TSC22D1: variants seen among roughly 807,000 people sequenced by gnomAD.
TSC22D1 encodes the protein TSC22 domain family member 1.
TSC22D1 carries 9 observed loss-of-function variants against 74.2 expected under a neutral mutation model. That is an observed-to-expected ratio of 0.12 (90% CI 0.07 to 0.21). TSC22D1 has a LOEUF of 0.21. TSC22D1 is among the 10% of genes least tolerant of loss of function. The pLI, the probability that TSC22D1 is intolerant of heterozygous loss-of-function variation, is 1.00. For missense variants in TSC22D1, 1,427 were observed against 1,304.7 expected (o/e 1.09, Z -1.44); for synonymous variants, 586 against 492.5 (o/e 1.19, Z -2.51).
chr13:44,468,816 T>C (rs1334162193), intron 1 of TSC22D1, among the ~76,000 whole-genome samples: 2 of 149,926 alleles, frequency 1.3e-5, no homozygotes, highest in African/African-American at 2.4e-5. Context: ...AGTTTTCCTG[T>C]AGAAGACTGG....
chr13:44,493,285 C>G (rs1428637255), intron 1 of TSC22D1, among the ~76,000 whole-genome samples: 1 of 152,158 alleles, frequency 6.6e-6, no homozygotes, highest in Non-Finnish European at 1.5e-5. Flanking sequence ...TCCAGTTCTA[C>G]AGAAGGCAGA....
chr13:44,545,336 A>AAAAT (rs1382225302), intron 1 of TSC22D1, among the ~76,000 whole-genome samples: 2 of 152,148 alleles, frequency 1.3e-5, no homozygotes, highest in East Asian at 3.8e-4. Context: ...TCTGTCTCAA[A>AAAAT]AAATAAATAA....
chr13:44,536,532 G>A (rs961686305), intron 1 of TSC22D1, among the ~76,000 whole-genome samples: 5 of 151,790 alleles, frequency 3.3e-5, no homozygotes, highest in Non-Finnish European at 5.9e-5. Flanking sequence ...AATTATTTGC[G>A]CAAGTAGAAC....
intron 1 of TSC22D1, among the ~76,000 whole-genome samples, chr13:44,473,673 C>T (rs1233531766): frequency 6.6e-6 from 1 of 151,824 alleles, no homozygotes; most frequent in Non-Finnish European, 1.5e-5. Flanking sequence ...GCTAGTCAGG[C>T]CAGCTTTATT....
At chr13:44,440,780 A>G (rs1364062600) in intron 1 of TSC22D1, among the ~76,000 whole-genome samples, 1 of 152,122 alleles carries the variant, frequency 6.6e-6, no homozygotes. Flanking sequence ...GCCCACCACA[A>G]GAAATGAAAA....
intron 1 of TSC22D1, among the ~76,000 whole-genome samples, chr13:44,485,128 G>A (rs1338806572): frequency 3.9e-5 from 6 of 152,090 alleles, no homozygotes; most frequent in Non-Finnish European, 5.9e-5. Flanking sequence ...AGCAATAATA[G>A]TACATATCCA....
intron 1 of TSC22D1, among the ~76,000 whole-genome samples, chr13:44,444,320 A>AAAAAAAAAAAAAAAAAAAAAAAAAAG (rs1875460887): frequency 1.6e-5 from 2 of 126,220 alleles, no homozygotes; most frequent in Non-Finnish European, 3.5e-5. Flanking sequence ...AAAAGAAAAG[A>AAAAAAAAAAAAAAAAAAAAAAAAAAG]AAAAGAAAAA....
intron 1 of TSC22D1, among the ~76,000 whole-genome samples, chr13:44,517,857 A>ATATATTTTTTT (rs10627677): frequency 4.3e-4 from 7 of 16,170 alleles, no homozygotes; most frequent in South Asian, 2.3e-3. Context: ...ATATATATAT[A>ATATATTTTTTT]TTTTTTTTTT....
At chr13:44,518,002 G>A (rs1338806517) in intron 1 of TSC22D1, among the ~76,000 whole-genome samples, 4 of 146,718 alleles carry the variant, frequency 2.7e-5, no homozygotes, top group Non-Finnish European at 4.5e-5. Flanking sequence ...GGCTATAGAC[G>A]TGCACCACCA....
At chr13:44,566,276 T>C (rs1883367891) in intron 1 of TSC22D1, among the ~76,000 whole-genome samples, 1 of 152,174 alleles carries the variant, frequency 6.6e-6, no homozygotes, top group Admixed American at 6.5e-5. Context: ...GAATCCTAGC[T>C]CTGCTTTACT....
At chr13:44,558,581 A>T (rs1882839602) in intron 1 of TSC22D1, among the ~76,000 whole-genome samples, 1 of 151,946 alleles carries the variant, frequency 6.6e-6, no homozygotes, top group Non-Finnish European at 1.5e-5. Context: ...CTCTACTAAA[A>T]ATACAAAAAT....
intron 1 of TSC22D1, among the ~76,000 whole-genome samples, chr13:44,542,889 T>C (rs1300430923): frequency 6.6e-6 from 1 of 152,108 alleles, no homozygotes; most frequent in African/African-American, 2.4e-5. Flanking sequence ...CCTTACCTAA[T>C]TCTATTTTAG....
intron 1 of TSC22D1, among the ~76,000 whole-genome samples, chr13:44,464,837 C>T (rs9525956): frequency 0.076 from 11,530 of 152,328 alleles, 560 homozygotes; most frequent in Non-Finnish European, 0.1. Context: ...CCCAACCTTA[C>T]TGCAGCGCCC....
At chr13:44,523,474 A>T (rs1200677181) in intron 1 of TSC22D1, among the ~76,000 whole-genome samples, 1 of 152,186 alleles carries the variant, frequency 6.6e-6, no homozygotes, top group Non-Finnish European at 1.5e-5. Context: ...AAGTCACAAA[A>T]AGACATGAAA....
At chr13:44,551,248 G>GT (rs1320568184) in intron 1 of TSC22D1, among the ~76,000 whole-genome samples, 1 of 152,128 alleles carries the variant, frequency 6.6e-6, no homozygotes, top group African/African-American at 2.4e-5. Context: ...TCCAGCCTGG[G>GT]TGACAGAGCA....
rs939989120 is a variant in TSC22D1 at position 44,436,202 on chromosome 13, A to G, written c.2913-107T>C. ...TGATATTGCTAGCATCATATTTTGA[A>G]TGTTATTTAACACTATGTAATGTAT... is the stretch of plus-strand genomic sequence containing the variant. On this transcript the variant is annotated intron_variant, in intron 1 of 2. Transcript: ENST00000458659. 8 of 1,280,168 alleles carry G rather than the reference A, an allele frequency of 6.2e-6. No homozygotes were observed. In the Admixed American group the frequency reaches 1.9e-4, roughly 31 times the overall value. 79.3% of individuals were successfully genotyped at this position (1,280,168 alleles called of 1,614,324 possible).
intron 1 of TSC22D1, among the ~76,000 whole-genome samples, chr13:44,485,391 T>C (rs944311077): frequency 1.3e-5 from 2 of 152,180 alleles, no homozygotes; most frequent in African/African-American, 4.8e-5. Context: ...TTTAATTGTA[T>C]AGCAATTCTT....
At chr13:44,502,893 T>G (rs1879278466) in intron 1 of TSC22D1, among the ~76,000 whole-genome samples, 1 of 152,222 alleles carries the variant, frequency 6.6e-6, no homozygotes. Context: ...ATCTGTATAT[T>G]TCACATGCAT....
chr13:44,471,405 C>G (rs1185816654), intron 1 of TSC22D1, among the ~76,000 whole-genome samples: 1 of 152,124 alleles, frequency 6.6e-6, no homozygotes, highest in Admixed American at 6.6e-5. Flanking sequence ...TCTTGATAAA[C>G]TCTTACCATC....
Sources: gnomAD v4.1 joint callset for allele counts (sites outside exome capture counted in the v4.1 genomes callset) on GRCh38, gnomAD v4.1.1 for gene constraint, MANE v1.5 for transcripts, NCBI Gene and HGNC (gene_info 2026-07-23, HGNC 2026-07-21) for gene names.